The following MBNL2 variants were observed in gnomAD, a reference collection of about 807,000 sequenced individuals.
MBNL2 encodes muscleblind-like protein 2.
In MBNL2, 17 loss-of-function variants were observed where a neutral mutation model predicts 41.9. That is an observed-to-expected ratio of 0.41 (90% CI 0.28 to 0.61). The LOEUF (loss-of-function observed/expected upper bound fraction) is 0.61, where lower values mean the gene tolerates loss of function less well. MBNL2 is among the 20% of genes least tolerant of loss of function. The pLI, the probability that MBNL2 is intolerant of heterozygous loss-of-function variation, is 0.35. For missense variants in MBNL2, 336 were observed against 505.6 expected, an observed-to-expected ratio of 0.66 and a Z score of 3.22; for synonymous variants, 195 against 182.9, an observed-to-expected ratio of 1.07 and a Z score of -0.53.
chr13:97,314,387 A>G (rs1335811890), intron 2 of MBNL2, among the ~76,000 whole-genome samples: 1 of 152,130 alleles, frequency 6.6e-6, no homozygotes. Context: ...TCTCTCTAGC[A>G]CTTATCACCA....
intron 2 of MBNL2, among the ~76,000 whole-genome samples, chr13:97,330,228 C>T (rs2060316942): frequency 6.6e-6 from 1 of 152,174 alleles, no homozygotes; most frequent in Non-Finnish European, 1.5e-5. Flanking sequence ...CTGGCATGTC[C>T]CACGTGGGAT....
the MBNL2 span, among the ~76,000 whole-genome samples, chr13:97,157,701 T>C: frequency 1.3e-5 from 2 of 149,012 alleles, no homozygotes; most frequent in Non-Finnish European, 3.0e-5. Flanking sequence ...TTACATTTAT[T>C]GATTTGCGTA....
At chr13:97,181,073 A>ATC in the MBNL2 span, among the ~76,000 whole-genome samples, 1,040 of 139,432 alleles carry the variant, frequency 7.5e-3, 4 homozygotes, top group Non-Finnish European at 0.012. Context: ...CTTCAACTCA[A>ATC]TCTCTCTCTC....
At chr13:97,210,122 CAA>C in the MBNL2 span, among the ~76,000 whole-genome samples, 1 of 152,158 alleles carries the variant, frequency 6.6e-6, no homozygotes, top group Non-Finnish European at 1.5e-5. Context: ...CAAAAAAACC[CAA>C]AGTGTCCTCA....
chr13:97,274,806 C>T (rs1026091068), intron 1 of MBNL2, among the ~76,000 whole-genome samples: 6 of 152,196 alleles, frequency 3.9e-5, no homozygotes, highest in African/African-American at 1.4e-4. Flanking sequence ...GACATCTGAA[C>T]TTACTGACTA....
rs57155167 is a variant in MBNL2, at chr13:97,279,037, A to G, written c.174+2628A>G. Among the ~76,000 whole-genome samples the G allele has an allele frequency of 5.2e-3, 788 of 152,376 alleles. 19 individuals are homozygous for G. The East Asian group carries it at 0.082, about 16-fold the overall frequency. On this transcript the variant is annotated intron_variant, in intron 2 of 8. Transcript: ENST00000679496. ...AGCAACACGCTGGCATATTCACATT[A>G]CGAGGTTCTTGTGAGGATTGCAAGC...
chr13:97,384,312 A>G (rs2065753064), intron 8 of MBNL2, among the ~76,000 whole-genome samples: 1 of 152,256 alleles, frequency 6.6e-6, no homozygotes, highest in Admixed American at 6.5e-5. Context: ...CTGATACCAT[A>G]TATTCACTAA....
intron 1 of MBNL2, among the ~76,000 whole-genome samples, chr13:97,243,006 G>A (rs2044638422): frequency 1.3e-5 from 2 of 152,294 alleles, no homozygotes; most frequent in South Asian, 4.1e-4. Flanking sequence ...TCTCCTTCTT[G>A]CCCTCTATCA....
chr13:97,161,531 T>A, the MBNL2 span, among the ~76,000 whole-genome samples: 1 of 152,224 alleles, frequency 6.6e-6, no homozygotes, highest in Admixed American at 6.5e-5. Context: ...CACCTTGGGC[T>A]CAGTTTCAGG....
the MBNL2 span, among the ~76,000 whole-genome samples, chr13:97,187,623 A>AAAT: frequency 7.4e-6 from 1 of 135,188 alleles, no homozygotes; most frequent in Non-Finnish European, 1.6e-5. Flanking sequence ...AAAAAAAAAA[A>AAAT]GAGGCCGGGC....
the MBNL2 span, among the ~76,000 whole-genome samples, chr13:97,207,448 A>G: frequency 0.013 from 2,012 of 152,284 alleles, 44 homozygotes; most frequent in African/African-American, 0.044. Context: ...GGAGCAAGTC[A>G]CATCTTACAT....
chr13:97,276,488 GA>G (rs1176500313), intron 2 of MBNL2, 79 bp downstream of exon 2: 4 of 1,350,520 alleles, frequency 3.0e-6, no homozygotes, highest in African/African-American at 1.5e-5. Context: ...CATTTTTACA[GA>G]AGTTTAAAAA....
chr13:97,258,306 G>GA (rs2047949805), intron 1 of MBNL2, among the ~76,000 whole-genome samples: 1 of 151,960 alleles, frequency 6.6e-6, no homozygotes, highest in Non-Finnish European at 1.5e-5. Flanking sequence ...TTTCCTGAAA[G>GA]ATAAGAGGAA....
chr13:97,228,910 G>A (rs966769984), intron 1 of MBNL2, among the ~76,000 whole-genome samples: 19 of 151,698 alleles, frequency 1.3e-4, no homozygotes, highest in African/African-American at 4.4e-4. Context: ...GTTAAGCAAT[G>A]TGCTAAAAGT....
intron 1 of MBNL2, among the ~76,000 whole-genome samples, chr13:97,269,588 G>A (rs1356099763): frequency 6.6e-6 from 1 of 152,142 alleles, no homozygotes; most frequent in Non-Finnish European, 1.5e-5. Context: ...TTCCAACCCT[G>A]CTTCCCACCC....
intron 5 of MBNL2, among the ~76,000 whole-genome samples, chr13:97,355,477 G>T (rs1332613656): frequency 6.6e-6 from 1 of 152,034 alleles, no homozygotes; most frequent in Non-Finnish European, 1.5e-5. Context: ...TATAATATTT[G>T]TATTTATTAG....
chr13:97,310,789 T>G (rs1433895595), intron 2 of MBNL2, among the ~76,000 whole-genome samples: 1 of 151,494 alleles, frequency 6.6e-6, no homozygotes, highest in Non-Finnish European at 1.5e-5. Context: ...CATCTTTTTT[T>G]TTTTTTTTTT....
intron 1 of MBNL2, among the ~76,000 whole-genome samples, chr13:97,247,944 TC>T (rs1395598188): frequency 6.6e-6 from 1 of 152,256 alleles, no homozygotes; most frequent in Admixed American, 6.5e-5. Flanking sequence ...CATCACATGT[TC>T]TAAACTTTTC....
chr13:97,200,515 A>G, the MBNL2 span, among the ~76,000 whole-genome samples: 1 of 152,254 alleles, frequency 6.6e-6, no homozygotes, highest in African/African-American at 2.4e-5. Flanking sequence ...TATAATATTT[A>G]CATTACAAGT....
Sources: allele counts gnomAD v4.1 joint callset (sites outside exome capture counted in the v4.1 genomes callset), GRCh38; gene constraint gnomAD v4.1.1; transcripts MANE v1.5; gene names NCBI Gene and HGNC (gene_info 2026-07-23, HGNC 2026-07-21).